Variants in DAB1 observed in about 807,000 individuals in gnomAD.
DAB1 encodes the protein disabled homolog 1.
A neutral mutation model predicts 64.6 loss-of-function variants in DAB1; 15 were observed. That is an observed-to-expected ratio of 0.23 (90% CI 0.16 to 0.36). The LOEUF is 0.36. Among genes scored for constraint, DAB1 ranks in the 10% least tolerant of loss-of-function variants. The probability of loss-of-function intolerance (pLI) is 1.00; values close to 1 mark genes in which losing one functional copy is unlikely to be tolerated. For missense variants in DAB1, 596 were observed against 706.7 expected (o/e 0.84, Z 1.78); for synonymous variants, 235 against 251.9 (o/e 0.93, Z 0.64).
chr1:57,226,672 A>AAAAAAATAT (rs747021990), intron 2 of DAB1, among the ~76,000 whole-genome samples: 45 of 135,998 alleles, frequency 3.3e-4, no homozygotes, highest in African/African-American at 1.3e-3. Context: ...TTAAAAAAAA[A>AAAAAAATAT]ATATATATAT....
rs570360226 is a variant in DAB1, at chr1:58,205,332, A to C, written n.310-54744T>G. ...ATTTTAATTCATTCCCCTTTCCCCA[A>C]ATCACCACCCTCCTAAGGTCTTTTT... is the stretch of plus-strand genomic sequence containing the variant. On this transcript the variant is annotated intron_variant and non_coding_transcript_variant, in intron 4 of 20. Coordinates refer to the DAB1 transcript ENST00000485760. 1.1e-4 allele frequency among the ~76,000 whole-genome samples: 16 copies of C among 152,168 alleles called. No homozygotes were observed. In the South Asian group the frequency reaches 3.3e-3, roughly 32 times the overall value.
At chr1:57,448,240 G>T (rs1009609285) in intron 7 of DAB1, among the ~76,000 whole-genome samples, 8 of 152,190 alleles carry the variant, frequency 5.3e-5, no homozygotes, top group Non-Finnish European at 7.3e-5. Flanking sequence ...AGTCTAAATA[G>T]GTGCACAAGG....
At chr1:57,120,824 T>C (rs549819969) in intron 4 of DAB1, among the ~76,000 whole-genome samples, 2 of 152,304 alleles carry the variant, frequency 1.3e-5, no homozygotes, top group Admixed American at 6.5e-5. Context: ...GTCCATTGCA[T>C]GTGTATAGCA....
chr1:57,108,166 T>C (rs1655338272), intron 4 of DAB1, among the ~76,000 whole-genome samples: 1 of 152,090 alleles, frequency 6.6e-6, no homozygotes, highest in Admixed American at 6.6e-5. Context: ...ACGCAAAATA[T>C]CCCAGCACAA....
intron 5 of DAB1, among the ~76,000 whole-genome samples, chr1:57,979,276 A>C (rs1234821225): frequency 1.3e-5 from 2 of 152,230 alleles, no homozygotes; most frequent in Non-Finnish European, 2.9e-5. Context: ...GACATGGATG[A>C]AGCTAAAAAC....
intron 4 of DAB1, among the ~76,000 whole-genome samples, chr1:57,092,833 T>C (rs1469157156): frequency 6.6e-6 from 1 of 152,042 alleles, no homozygotes; most frequent in Admixed American, 6.5e-5. Flanking sequence ...TGTAGACACA[T>C]TTAAAAGCTA....
At chr1:57,978,918 T>C (rs1645991887) in intron 5 of DAB1, among the ~76,000 whole-genome samples, 1 of 152,164 alleles carries the variant, frequency 6.6e-6, no homozygotes, top group Non-Finnish European at 1.5e-5. Flanking sequence ...AAACAACAGA[T>C]GCTGGACAGG....
chr1:57,300,059 C>T (rs1266457736), intron 1 of DAB1, among the ~76,000 whole-genome samples: 1 of 152,154 alleles, frequency 6.6e-6, no homozygotes, highest in Non-Finnish European at 1.5e-5. Flanking sequence ...CTGTCCCAAC[C>T]CCGAGTGGGA....
chr1:57,403,661 A>AG (rs1266118895), intron 1 of DAB1, among the ~76,000 whole-genome samples: 1 of 152,182 alleles, frequency 6.6e-6, no homozygotes, highest in Non-Finnish European at 1.5e-5. Flanking sequence ...AGACTGTACT[A>AG]GGGGTTAAAA....
chr1:57,331,963 C>T (rs72674853), intron 1 of DAB1, among the ~76,000 whole-genome samples: 16,351 of 152,110 alleles, frequency 0.11, 954 homozygotes, highest in Middle Eastern at 0.13. Context: ...TTTTTGTTTG[C>T]TTGTTTGTTT....
intron 6 of DAB1, among the ~76,000 whole-genome samples, chr1:57,729,476 A>G (rs1647319268): frequency 1.3e-5 from 2 of 152,232 alleles, no homozygotes; most frequent in Non-Finnish European, 2.9e-5. Flanking sequence ...GGCAAAGGTA[A>G]GGAGTTGGGG....
chr1:57,715,023 A>G (rs1647068416), intron 6 of DAB1, among the ~76,000 whole-genome samples: 1 of 152,340 alleles, frequency 6.6e-6, no homozygotes, highest in Admixed American at 6.5e-5. Flanking sequence ...AGATGCAGAA[A>G]TCTTCACAAA....
intron 4 of DAB1, among the ~76,000 whole-genome samples, chr1:58,297,335 A>G (rs1282804474): frequency 1.3e-5 from 2 of 152,206 alleles, no homozygotes; most frequent in Non-Finnish European, 2.9e-5. Context: ...TTCAAATTCA[A>G]GTGTACATAA....
chr1:58,306,376 T>C (rs1469752222), intron 4 of DAB1, among the ~76,000 whole-genome samples: 1 of 152,194 alleles, frequency 6.6e-6, no homozygotes, highest in Non-Finnish European at 1.5e-5. Context: ...TTTAACAGTA[T>C]GTTAAATTCA....
chr1:57,772,436 T>G (rs1330971911), intron 6 of DAB1, among the ~76,000 whole-genome samples: 7 of 152,176 alleles, frequency 4.6e-5, no homozygotes, highest in Admixed American at 4.6e-4. Context: ...TAATGGACAT[T>G]TGGATTCTTT....
chr1:57,836,478 C>T (rs1652813939), intron 1 of DAB1, among the ~76,000 whole-genome samples: 1 of 152,172 alleles, frequency 6.6e-6, no homozygotes, highest in Non-Finnish European at 1.5e-5. Context: ...TCTCTGCCTC[C>T]ACTCACTCTG....
chr1:57,308,686 G>C (rs1674405227), intron 1 of DAB1, among the ~76,000 whole-genome samples: 1 of 152,160 alleles, frequency 6.6e-6, no homozygotes, highest in East Asian at 1.9e-4. Context: ...ATAATAAGAA[G>C]ACTGAATGGC....
At chr1:58,499,746 G>T (rs1645871989) in intron 3 of DAB1, among the ~76,000 whole-genome samples, 1 of 151,774 alleles carries the variant, frequency 6.6e-6, no homozygotes, top group Non-Finnish European at 1.5e-5. Context: ...GAAACATCAT[G>T]CTGGACTCCA....
chr1:57,187,962 G>A (rs568233238), intron 2 of DAB1, among the ~76,000 whole-genome samples: 13 of 152,212 alleles, frequency 8.5e-5, no homozygotes, highest in Admixed American at 3.3e-4. Flanking sequence ...AGGAGAGAGA[G>A]GTCCTCTTTG....
Sources: gnomAD v4.1 joint callset for allele counts (sites outside exome capture counted in the v4.1 genomes callset) on GRCh38, gnomAD v4.1.1 for gene constraint, MANE v1.5 for transcripts, NCBI Gene and HGNC (gene_info 2026-07-23, HGNC 2026-07-21) for gene names.